MAGI1: variants seen among roughly 807,000 people sequenced by gnomAD.
The protein encoded by MAGI1 is membrane associated guanylate kinase, WW and PDZ domain containing 1, also known as membrane-associated guanylate kinase, WW and PDZ domain-containing protein 1.
A neutral mutation model predicts 139.9 loss-of-function variants in MAGI1; 58 were observed. That is an observed-to-expected ratio of 0.41 (90% confidence interval 0.34 to 0.52). The LOEUF is 0.52. Ranked by LOEUF, MAGI1 falls within the 20% of genes least tolerant of loss-of-function variation. The pLI is 0.12. For missense variants in MAGI1, 1,874 were observed against 1,901.6 expected (o/e 0.99, Z 0.27); for synonymous variants, 812 against 737.9 (o/e 1.10, Z -1.63).
chr3:65,990,851 G>GT (rs751273909), intron 1 of MAGI1, among the ~76,000 whole-genome samples: 1 of 152,102 alleles, frequency 6.6e-6, no homozygotes, highest in Non-Finnish European at 1.5e-5. Flanking sequence ...GCTGGATGTG[G>GT]TGGTGCATGC....
intron 2 of MAGI1, among the ~76,000 whole-genome samples, chr3:65,592,096 T>C (rs147210541): frequency 6.6e-6 from 1 of 152,238 alleles, no homozygotes; most frequent in African/African-American, 2.4e-5. Context: ...TGGTTGATCA[T>C]ATATACCAGG....
At chr3:65,699,057 G>C (rs201600538) in intron 1 of MAGI1, among the ~76,000 whole-genome samples, 8,547 of 116,560 alleles carry the variant, frequency 0.073, 331 homozygotes, top group East Asian at 0.32. Context: ...CCATCAAAAA[G>C]TGGGCGAAGG....
At chr3:65,516,012 T>C (rs1156737334) in intron 2 of MAGI1, among the ~76,000 whole-genome samples, 1 of 152,184 alleles carries the variant, frequency 6.6e-6, no homozygotes, top group Non-Finnish European at 1.5e-5. Flanking sequence ...AAACAATTTC[T>C]TGCCCTAGTT....
At chr3:65,885,028 AACAACC>A (rs2060476838) in intron 1 of MAGI1, among the ~76,000 whole-genome samples, 1 of 152,186 alleles carries the variant, frequency 6.6e-6, no homozygotes, top group East Asian at 1.9e-4. Context: ...GCACTTCAGA[AACAACC>A]TAAATATTCA....
chr3:65,373,101 CT>C (rs1942162385), intron 18 of MAGI1, among the ~76,000 whole-genome samples: 1 of 152,178 alleles, frequency 6.6e-6, no homozygotes, highest in African/African-American at 2.4e-5. Context: ...AGCTTTTGGC[CT>C]ATCTCAGCTT....
At chr3:65,786,634 CAG>C (rs1278213521) in intron 1 of MAGI1, among the ~76,000 whole-genome samples, 17 of 119,422 alleles carry the variant, frequency 1.4e-4, no homozygotes, top group African/African-American at 5.2e-4. Context: ...TTTTCTTAAA[CAG>C]AGTCTTGCTT....
intron 1 of MAGI1, among the ~76,000 whole-genome samples, chr3:65,661,514 C>G (rs1011631482): frequency 6.6e-6 from 1 of 152,092 alleles, no homozygotes; most frequent in African/African-American, 2.4e-5. Flanking sequence ...CTGAGACTAT[C>G]GTCAAGATGT....
At position 65,414,854 on chromosome 3, in the gene MAGI1, CT is replaced by C. The variant is rs1182847246; in HGVS notation, c.2168-13385del. ...TCAACATGGAGAAACCCCGTCTCTA[CT>C]AAAAAAAAAAAAAAAAATACAAAAT... is the stretch of plus-strand genomic sequence containing the variant. On this transcript the variant is annotated intron_variant, in intron 12 of 22. Coordinates refer to ENST00000402939, the MANE Select transcript of MAGI1 (RefSeq NM_001033057.2). Among the ~76,000 whole-genome samples the C allele has an allele frequency of 1.3e-4, 15 of 117,952 alleles. No homozygotes were observed. In the Admixed American group the frequency reaches 1.3e-3, roughly 10 times the overall value. The allele number at this position is 117,952 out of a possible 152,430, so 77.4% of individuals were successfully genotyped here. A position where few individuals can be genotyped will look rare whatever the true frequency, so the allele number is the denominator to read the frequency against.
intron 1 of MAGI1, among the ~76,000 whole-genome samples, chr3:66,033,352 G>A (rs1451842687): frequency 1.3e-5 from 2 of 152,118 alleles, no homozygotes; most frequent in African/African-American, 4.8e-5. Context: ...GTGTGTGGGG[G>A]CCAGCTCACA....
At chr3:65,981,725 T>C (rs964577377) in intron 1 of MAGI1, among the ~76,000 whole-genome samples, 2 of 152,152 alleles carry the variant, frequency 1.3e-5, no homozygotes, top group African/African-American at 2.4e-5. Flanking sequence ...TCACAAGAAC[T>C]GATGGTTTTA....
At chr3:66,018,325 T>C (rs1379262787) in intron 1 of MAGI1, among the ~76,000 whole-genome samples, 1 of 152,194 alleles carries the variant, frequency 6.6e-6, no homozygotes, top group Non-Finnish European at 1.5e-5. Context: ...GTTAACAGCA[T>C]TTGGCCATAC....
intron 2 of MAGI1, among the ~76,000 whole-genome samples, chr3:65,509,742 T>C (rs2077483067): frequency 1.3e-5 from 2 of 152,108 alleles, no homozygotes; most frequent in South Asian, 2.1e-4. Context: ...CGCCCGCCAT[T>C]GCCCAGGCTT....
intron 1 of MAGI1, among the ~76,000 whole-genome samples, chr3:65,645,506 C>T (rs2085210218): frequency 6.6e-6 from 1 of 152,078 alleles, no homozygotes; most frequent in South Asian, 2.1e-4. Context: ...AATTAATAGA[C>T]TTCATTGACA....
chr3:65,976,067 T>C (rs2107224546), intron 1 of MAGI1, among the ~76,000 whole-genome samples: 1 of 152,302 alleles, frequency 6.6e-6, no homozygotes, highest in South Asian at 2.1e-4. Flanking sequence ...TTGCAAGTGT[T>C]TCATCCCAGT....
rs148127020 is a variant in MAGI1 at position 66,024,152 on chromosome 3, T to C, written c.313+13844A>G. ...AATGCAATTACTGCTTTTGGAGAGA[T>C]GAAGTATGAGAGAAACCAAGTGAGA... On this transcript the variant is annotated intron_variant, in intron 1 of 22. Coordinates refer to ENST00000402939, the MANE Select transcript of MAGI1 (RefSeq NM_001033057.2). Among the ~76,000 whole-genome samples the C allele has an allele frequency of 7.8e-4, 118 of 151,494 alleles. 1 individual carries two copies. In the East Asian group the frequency reaches 0.022, roughly 28 times the overall value.
chr3:65,819,025 CT>C (rs5849698), intron 1 of MAGI1, among the ~76,000 whole-genome samples: 8,551 of 152,204 alleles, frequency 0.056, 307 homozygotes, highest in African/African-American at 0.099. Flanking sequence ...GTGGCTCATG[CT>C]TTGTAATCCC....
chr3:65,506,189 A>C (rs151126976), intron 2 of MAGI1, among the ~76,000 whole-genome samples: 1 of 152,298 alleles, frequency 6.6e-6, no homozygotes, highest in Non-Finnish European at 1.5e-5. Context: ...AGACAAGGTA[A>C]ACATTTTGGG....
intron 2 of MAGI1, among the ~76,000 whole-genome samples, chr3:65,561,691 G>A (rs958335264): frequency 6.6e-6 from 1 of 152,154 alleles, no homozygotes; most frequent in Non-Finnish European, 1.5e-5. Context: ...ACATACAGAT[G>A]TGATATTTAC....
At chr3:65,583,767 C>T (rs1165887551) in intron 2 of MAGI1, among the ~76,000 whole-genome samples, 2 of 151,994 alleles carry the variant, frequency 1.3e-5, no homozygotes, top group Non-Finnish European at 2.9e-5. Context: ...AATGATCTAA[C>T]CAAGTTTTAA....
Sources: allele counts gnomAD v4.1 joint callset (sites outside exome capture counted in the v4.1 genomes callset), GRCh38; gene constraint gnomAD v4.1.1; transcripts MANE v1.5; gene names NCBI Gene and HGNC (gene_info 2026-07-23, HGNC 2026-07-21).